Variants in ST6GALNAC3 observed in about 807,000 individuals in gnomAD.
ST6GALNAC3 encodes ST6 N-acetylgalactosaminide alpha-2,6-sialyltransferase 3, also known as alpha-N-acetylgalactosaminide alpha-2,6-sialyltransferase 3.
A neutral mutation model predicts 32.7 loss-of-function variants in ST6GALNAC3; 25 were observed. The observed-to-expected ratio is 0.76, with a 90% CI of 0.56 to 1.07. The LOEUF is 1.07. Ranked by LOEUF, ST6GALNAC3 falls within the 50% of genes least tolerant of loss-of-function variation. The pLI is 0.00. For missense variants in ST6GALNAC3, 355 were observed against 382.4 expected, an observed-to-expected ratio of 0.93 and a Z score of 0.60; for synonymous variants, 129 against 133.1, an observed-to-expected ratio of 0.97 and a Z score of 0.21.
chr1:76,437,349 A>G (rs1039896432), intron 3 of ST6GALNAC3, among the ~76,000 whole-genome samples: 2 of 152,062 alleles, frequency 1.3e-5, no homozygotes, highest in African/African-American at 2.4e-5. Flanking sequence ...AGGGTTCTCA[A>G]TGTGAGCAGC....
intron 1 of ST6GALNAC3, among the ~76,000 whole-genome samples, chr1:76,232,655 C>T (rs911097863): frequency 3.3e-5 from 5 of 152,244 alleles, no homozygotes; most frequent in Admixed American, 6.5e-5. Flanking sequence ...TCACAGCTCC[C>T]TGTCCTCCCC....
rs566671170 is a variant in ST6GALNAC3 at position 76,095,109 on chromosome 1, A to C, written c.18+20225A>C. On this transcript the variant is annotated intron_variant, in intron 1 of 4. Transcript: ENST00000328299. The stretch of plus-strand genomic sequence containing the variant: ...ACTCTAGAGGCATGAATGGAGTTAG[A>C]GTCCTTTCTGTGATATATATACCCC... 1.5e-3 allele frequency among the ~76,000 whole-genome samples: 236 copies of C among 152,268 alleles called. 1 individual carries two copies. Among genetic ancestry groups the C allele is most frequent in the African/African-American group, 5.5e-3 (228 of 41,548 alleles).
At chr1:76,525,791 G>GTGTGTATATATATATATATATA (rs1438917629) in intron 3 of ST6GALNAC3, among the ~76,000 whole-genome samples, 6 of 75,566 alleles carry the variant, frequency 7.9e-5, no homozygotes, top group Non-Finnish European at 1.5e-4. Context: ...GTGTGTGTGT[G>GTGTGTATATATATATATATATA]TATATATATA....
chr1:76,452,673 A>G (rs1657495268), intron 3 of ST6GALNAC3, among the ~76,000 whole-genome samples: 1 of 152,126 alleles, frequency 6.6e-6, no homozygotes, highest in Non-Finnish European at 1.5e-5. Context: ...TGTTGGATTC[A>G]GTTAGCTAGT....
chr1:76,408,206 T>C (rs1401729216), intron 2 of ST6GALNAC3, among the ~76,000 whole-genome samples: 2 of 152,040 alleles, frequency 1.3e-5, no homozygotes, highest in Non-Finnish European at 2.9e-5. Context: ...ACTTTAAAGA[T>C]GGTTCCTGCA....
At chr1:76,257,981 G>C (rs970664566) in intron 1 of ST6GALNAC3, among the ~76,000 whole-genome samples, 7 of 152,108 alleles carry the variant, frequency 4.6e-5, no homozygotes, top group Non-Finnish European at 1.0e-4. Context: ...CTCTGACTCA[G>C]ACACTGGTAT....
chr1:76,473,161 A>T (rs1262915252), intron 3 of ST6GALNAC3, among the ~76,000 whole-genome samples: 1 of 152,178 alleles, frequency 6.6e-6, no homozygotes, highest in Non-Finnish European at 1.5e-5. Flanking sequence ...TCTCTGTGAA[A>T]TAGAAACAAG....
At chr1:76,097,487 C>A (rs1169945014) in intron 1 of ST6GALNAC3, among the ~76,000 whole-genome samples, 1 of 152,250 alleles carries the variant, frequency 6.6e-6, no homozygotes, top group South Asian at 2.1e-4. Flanking sequence ...GCTTGCTCCC[C>A]CTTCTGCCAT....
At position 76,508,571 on chromosome 1, in the gene ST6GALNAC3, A is replaced by G. The variant is rs11806270; in HGVS notation, c.623+96154A>G. ...TGGGACCCAGTATTGCTGAAGCATA[A>G]CCCCCCGGAGTCTACCCCTACAGCC... On this transcript the variant is annotated intron_variant, in intron 3 of 4. Transcript: ENST00000328299. Among the ~76,000 whole-genome samples, 1,073 of 151,974 alleles carry G rather than the reference A, an allele frequency of 7.1e-3. 12 individuals are homozygous for G. The highest frequency in any genetic ancestry group is 0.025 in the African/African-American group (1,023 of 41,460).
intron 3 of ST6GALNAC3, among the ~76,000 whole-genome samples, chr1:76,561,279 T>C (rs1665228329): frequency 6.6e-6 from 1 of 151,526 alleles, no homozygotes; most frequent in African/African-American, 2.4e-5. Context: ...GAATAAGAAA[T>C]GGTGTTTGAT....
chr1:76,202,112 C>A (rs1253899205), intron 1 of ST6GALNAC3, among the ~76,000 whole-genome samples: 1 of 151,952 alleles, frequency 6.6e-6, no homozygotes, highest in Non-Finnish European at 1.5e-5. Context: ...TGGCTACAAT[C>A]GGAAGGGTGG....
chr1:76,307,979 G>A lies in ST6GALNAC3; in HGVS notation c.19-5826G>A, dbSNP rs1661165923. On this transcript the variant is annotated intron_variant, in intron 1 of 4. Coordinates refer to ENST00000328299, the MANE Select transcript of ST6GALNAC3 (RefSeq NM_152996.4). ...CATGTTTTTGATGCATATTTTTGCA[G>A]CACAGAGGGGATTAAATTCTAAATG... The A allele has an allele frequency of 2.1e-5, 10 of 466,634 alleles. 1 individual carries two copies. Among genetic ancestry groups the A allele is most frequent in the South Asian group, 1.6e-4 (10 of 62,310 alleles). 28.9% of individuals were successfully genotyped at this position (466,634 alleles called of 1,614,324 possible). A position where few individuals can be genotyped will look rare whatever the true frequency, so the allele number is the denominator to read the frequency against.
At chr1:76,365,955 A>G (rs1650334160) in intron 2 of ST6GALNAC3, among the ~76,000 whole-genome samples, 1 of 152,140 alleles carries the variant, frequency 6.6e-6, no homozygotes, top group Admixed American at 6.5e-5. Flanking sequence ...ATCCTTGGCA[A>G]TTCATATGTG....
At chr1:76,192,666 T>C (rs957571424) in intron 1 of ST6GALNAC3, among the ~76,000 whole-genome samples, 2 of 152,214 alleles carry the variant, frequency 1.3e-5, no homozygotes, top group African/African-American at 4.8e-5. Context: ...CTGCCTTAAC[T>C]GGAATATTCA....
intron 3 of ST6GALNAC3, among the ~76,000 whole-genome samples, chr1:76,601,654 G>T (rs376724596): frequency 6.6e-6 from 1 of 152,154 alleles, no homozygotes; most frequent in Non-Finnish European, 1.5e-5. Context: ...ATAATAATTC[G>T]CATTTACAAG....
intron 1 of ST6GALNAC3, among the ~76,000 whole-genome samples, chr1:76,175,399 T>G (rs1051351120): frequency 2.4e-4 from 36 of 152,314 alleles, no homozygotes; most frequent in African/African-American, 8.2e-4. Flanking sequence ...TTTGGATTTT[T>G]GAGGCTACGT....
chr1:76,365,500 T>A (rs577778640), intron 2 of ST6GALNAC3, among the ~76,000 whole-genome samples: 1 of 152,226 alleles, frequency 6.6e-6, no homozygotes, highest in African/African-American at 2.4e-5. Flanking sequence ...AAATTTAACT[T>A]CTTTTCCACC....
chr1:76,418,284 G>T (rs990887684), intron 3 of ST6GALNAC3, among the ~76,000 whole-genome samples: 2 of 152,234 alleles, frequency 1.3e-5, no homozygotes, highest in Non-Finnish European at 2.9e-5. Flanking sequence ...GTGGAAAGGG[G>T]TTTCAAGTCT....
chr1:76,277,566 A>G (rs1337111590), intron 1 of ST6GALNAC3, among the ~76,000 whole-genome samples: 2 of 51,664 alleles, frequency 3.9e-5, no homozygotes, highest in Admixed American at 2.0e-4. Flanking sequence ...ATATATATAT[A>G]TACACACACA....
Sources: allele counts gnomAD v4.1 joint callset (sites outside exome capture counted in the v4.1 genomes callset), GRCh38; gene constraint gnomAD v4.1.1; transcripts MANE v1.5; gene names NCBI Gene and HGNC (gene_info 2026-07-23, HGNC 2026-07-21).